Variants in ZNF771 observed in about 807,000 individuals in gnomAD.
ZNF771 encodes zinc finger protein 771.
ZNF771 carries 10 observed loss-of-function variants against 27.6 expected under a neutral mutation model. The ratio of observed to expected loss-of-function variants is 0.36; its 90% CI spans 0.22 to 0.61. ZNF771 has a LOEUF of 0.61. Among genes scored for constraint, ZNF771 ranks in the 20% least tolerant of loss-of-function variants. ZNF771 has a pLI of 0.70. For synonymous variants in ZNF771, 261 were observed against 225.2 expected, an observed-to-expected ratio of 1.16 and a Z score of -1.43; for missense variants, 438 against 503.7, an observed-to-expected ratio of 0.87 and a Z score of 1.25.
intron 2 of ZNF771, among the ~76,000 whole-genome samples, chr16:30,415,842 C>T (rs1031269345): frequency 2.0e-5 from 3 of 152,142 alleles, no homozygotes; most frequent in Non-Finnish European, 2.9e-5. Context: ...ACAGTAGATA[C>T]GCGACATCAG....
intron 2 of ZNF771, among the ~76,000 whole-genome samples, chr16:30,413,345 A>G (rs2050115277): frequency 6.6e-6 from 1 of 152,192 alleles, no homozygotes; most frequent in Non-Finnish European, 1.5e-5. Flanking sequence ...TGTATTGCTC[A>G]TATGTTGTAC....
Position 30,417,901 on chromosome 16 carries a change from C to T in ZNF771, c.488C>T (p.Ala163Val), listed in dbSNP as rs1428714919. 4 of 1,520,486 alleles carry T rather than the reference C, an allele frequency of 2.6e-6. No individual in the cohort carries two copies. Among genetic ancestry groups the T allele is most frequent in the East Asian group, 2.7e-5 (1 of 36,890 alleles). The allele number at this position is 1,520,486 out of a possible 1,614,324, so 94.2% of individuals were successfully genotyped here. The change falls in exon 3 of 3, where the codon GCA (alanine) becomes GTA (valine). Residue 163 changes from alanine (A) to valine (V), a missense_variant. By Grantham distance (64) the Ala-to-Val change is moderately conservative (BLOSUM62 0). Transcript: ENST00000319296. ...GRRFAQSSNYAQHLRVHTGEK... is the reference protein window; with the variant it reads ...GRRFAQSSNYVQHLRVHTGEK... ...CGCTTCGCGCAGAGCTCCAACTACG[C>T]ACAGCACCTGCGCGTGCACACGGGC... is the stretch of plus-strand genomic sequence containing the variant.
At position 30,417,764 on chromosome 16, in the gene ZNF771, G is replaced by T; in HGVS notation, c.351G>T (p.Arg117=). The part of the protein sequence containing the change: ...TKHGRTHTGE[R]PYECPECDKR... ...ACGGCCGCACGCACACGGGCGAGCGGCCCTACGAGTGCCCCGAGTGCGACA... is the reference window on the plus strand; with the variant it reads ...ACGGCCGCACGCACACGGGCGAGCGTCCCTACGAGTGCCCCGAGTGCGACA... The change falls in exon 3 of 3, where the codon CGG becomes CGT. Residue 117 remains arginine (R), a synonymous_variant. Transcript: ENST00000319296. The T allele has an allele frequency of 1.4e-6, 2 of 1,456,544 alleles. No homozygotes were observed. The highest frequency in any genetic ancestry group is 1.8e-6 in the Non-Finnish European group (2 of 1,111,048). 90.2% of individuals were successfully genotyped at this position (1,456,544 alleles called of 1,614,324 possible).
In ZNF771 at chr16:30,419,250, A is replaced by G. The variant is rs1030619361; in HGVS notation, c.*883A>G. 6.9e-6 allele frequency: 1 copy of G among 144,498 alleles called. No individual in the cohort carries two copies. The highest frequency in any genetic ancestry group is 6.9e-5 in the Admixed American group (1 of 14,540). The allele number at this position is 144,498 out of a possible 1,614,324, so 9.0% of individuals were successfully genotyped here. A position where few individuals can be genotyped will look rare whatever the true frequency, so the allele number is the denominator to read the frequency against. On this transcript the variant is annotated 3_prime_UTR_variant, in exon 3 of 3. Transcript: ENST00000319296. The stretch of plus-strand genomic sequence containing the variant: ...GACTGCCTCAAACAAACAAAAAACA[A>G]CAAACCAAACCAAACCAAACCAAAA...
At chr16:30,410,071 C>G (rs1440119133) in intron 2 of ZNF771, among the ~76,000 whole-genome samples, 2 of 151,848 alleles carry the variant, frequency 1.3e-5, no homozygotes, top group Non-Finnish European at 2.9e-5. Context: ...AGCTCAGGAC[C>G]TTGGGCAAGG....
intron 1 of ZNF771, 154 bp from the exon 2 acceptor site, chr16:30,407,891 G>A (rs1373879584): frequency 5.2e-6 from 3 of 576,834 alleles, no homozygotes. Context: ...GCGTGGGGCC[G>A]GGCTGGGGTG....
chr16:30,411,720 G>A (rs1306061554), intron 2 of ZNF771, among the ~76,000 whole-genome samples: 2 of 152,128 alleles, frequency 1.3e-5, no homozygotes, highest in Non-Finnish European at 2.9e-5. Context: ...TGAACTGTTA[G>A]CATCGTGCCC....
intron 2 of ZNF771, among the ~76,000 whole-genome samples, chr16:30,409,043 C>T (rs944488946): frequency 7.2e-5 from 11 of 151,824 alleles, no homozygotes; most frequent in African/African-American, 2.2e-4. Flanking sequence ...GGCGTGATCT[C>T]GGCTCACTGC....
intron 2 of ZNF771, among the ~76,000 whole-genome samples, chr16:30,411,698 A>G (rs1312480226): frequency 6.6e-6 from 1 of 152,156 alleles, no homozygotes; most frequent in Non-Finnish European, 1.5e-5. Context: ...AGGATTATGC[A>G]CACATATCCC....
In ZNF771 at chr16:30,418,323, G is replaced by T; in HGVS notation, c.910G>T (p.Ala304Ser). The T allele has an allele frequency of 6.8e-7, 1 of 1,470,904 alleles. No homozygotes were observed. The highest frequency in any genetic ancestry group is 1.3e-5 in the South Asian group (1 of 76,098). 91.1% of individuals were successfully genotyped at this position (1,470,904 alleles called of 1,614,324 possible). The change falls in exon 3 of 3, where the codon GCC becomes TCC. Residue 304 changes from alanine to serine, a missense_variant. By Grantham distance (99) the Ala-to-Ser change is moderately conservative. Transcript: ENST00000319296. Reference sequence around the variant, plus strand: ...CTTCAAGCTGCCCCCTGGCGCCACGGCCGCCACTGCCACCGAGCGTTGCCC... The same window carrying T: ...CTTCAAGCTGCCCCCTGGCGCCACGTCCGCCACTGCCACCGAGCGTTGCCC... ...RDFKLPPGAT[A>S]ATATERCPEC...
At chr16:30,409,275 C>T (rs1473500645) in intron 2 of ZNF771, among the ~76,000 whole-genome samples, 1 of 152,152 alleles carries the variant, frequency 6.6e-6, no homozygotes, top group African/African-American at 2.4e-5. Context: ...CGTATCCAGC[C>T]AGAAATGGCC....
At chr16:30,416,752 C>T (rs1053896373) in intron 2 of ZNF771, among the ~76,000 whole-genome samples, 3 of 151,896 alleles carry the variant, frequency 2.0e-5, no homozygotes, top group African/African-American at 7.3e-5. Flanking sequence ...TGCTCAAAGC[C>T]CTCTGACATC....
At chr16:30,416,618 C>T (rs1181071370) in intron 2 of ZNF771, among the ~76,000 whole-genome samples, 1 of 152,184 alleles carries the variant, frequency 6.6e-6, no homozygotes, top group Non-Finnish European at 1.5e-5. Flanking sequence ...CTTCTCTTGC[C>T]AGGTGGCTGT....
Position 30,418,419 on chromosome 16 carries a change from A to G in ZNF771, c.*52A>G. The G allele has an allele frequency of 7.4e-7, 1 of 1,347,234 alleles. No individual in the cohort carries two copies. The highest frequency in any genetic ancestry group is 9.5e-7 in the Non-Finnish European group (1 of 1,051,986). 83.5% of individuals were successfully genotyped at this position (1,347,234 alleles called of 1,614,324 possible). A position where few individuals can be genotyped will look rare whatever the true frequency, so the allele number is the denominator to read the frequency against. Reference sequence around the variant, plus strand: ...CTGGGGCTTCGACCTGGCTGCACTAACCCAGGCTCCTCCTCGCCCCGGCCT... The same window carrying G: ...CTGGGGCTTCGACCTGGCTGCACTAGCCCAGGCTCCTCCTCGCCCCGGCCT... On this transcript the variant is annotated 3_prime_UTR_variant, in exon 3 of 3. Transcript: ENST00000319296.
chr16:30,417,580 C>T lies in ZNF771; in HGVS notation c.167C>T (p.Ser56Phe), dbSNP rs1473993818. 8.1e-7 allele frequency: 1 copy of T among 1,230,712 alleles called. No homozygotes were observed. The highest frequency in any genetic ancestry group is 1.6e-5 in the African/African-American group (1 of 63,852). The allele number at this position is 1,230,712 out of a possible 1,614,324, so 76.2% of individuals were successfully genotyped here. The change falls in exon 3 of 3, where the codon TCC (serine) becomes TTC (phenylalanine). Residue 56 changes from serine (S) to phenylalanine (F), a missense_variant. Ser to Phe is a radical substitution (Grantham distance 155). Around this residue, in one of 3 missense-constraint regions of ZNF771, gnomAD observed 84 missense variants for 89.2 expected, o/e 0.94. Coordinates refer to ENST00000319296, the MANE Select transcript of ZNF771 (RefSeq NM_001142305.2). ...KEVPGEAPAP[S>F]ADPARPHACP... The stretch of plus-strand genomic sequence containing the variant: ...GTCCCGGGCGAGGCGCCCGCGCCGT[C>T]CGCCGACCCGGCGCGTCCCCACGCG...
At chr16:30,412,504 T>A (rs2050109386) in intron 2 of ZNF771, among the ~76,000 whole-genome samples, 1 of 152,118 alleles carries the variant, frequency 6.6e-6, no homozygotes, top group South Asian at 2.1e-4. Flanking sequence ...TAGAATTGCA[T>A]CATGGAGGCT....
At chr16:30,408,292 C>T in intron 2 of ZNF771, 98 bp downstream of exon 2, 27 of 1,543,734 alleles carry the variant, frequency 1.7e-5, no homozygotes, top group Non-Finnish European at 2.4e-5. Flanking sequence ...CTACTTTTCC[C>T]AGAATCTCGG....
Position 30,417,910 on chromosome 16 carries a change from T to C in ZNF771, c.497T>C (p.Leu166Pro). ...CAGAGCTCCAACTACGCACAGCACC[T>C]GCGCGTGCACACGGGCGAGAAGCCG... ...FAQSSNYAQH[L>P]RVHTGEKPYA... Residue 166 changes from leucine to proline, a missense_variant, in exon 3 of 3, where the codon CTG (leucine) becomes CCG (proline). Coordinates refer to ENST00000319296, the MANE Select transcript of ZNF771 (RefSeq NM_001142305.2). The C allele has an allele frequency of 6.6e-7, 1 of 1,509,692 alleles. No homozygotes were observed. The highest frequency in any genetic ancestry group is 8.8e-7 in the Non-Finnish European group (1 of 1,139,778). 93.5% of individuals were successfully genotyped at this position (1,509,692 alleles called of 1,614,324 possible).
intron 2 of ZNF771, among the ~76,000 whole-genome samples, chr16:30,416,374 T>TC (rs1261262702): frequency 1.3e-5 from 2 of 152,092 alleles, no homozygotes; most frequent in Non-Finnish European, 1.5e-5. Context: ...AAAACAGATC[T>TC]CCCCTCTCAA....
Sources: gnomAD v4.1 joint callset for allele counts (sites outside exome capture counted in the v4.1 genomes callset) on GRCh38, gnomAD v4.1.1 for gene constraint, gnomAD v4.1.1 regional missense constraint, MANE v1.5 for transcripts, NCBI Gene and HGNC (gene_info 2026-07-23, HGNC 2026-07-21) for gene names.